ELAPOR2: variants seen among roughly 807,000 people sequenced by gnomAD.
ELAPOR2 encodes the protein endosome/lysosome-associated apoptosis and autophagy regulator family member 2.
A neutral mutation model predicts 120.7 loss-of-function variants in ELAPOR2; 89 were observed. That is an observed-to-expected ratio of 0.74 (90% confidence interval 0.62 to 0.88). The LOEUF (loss-of-function observed/expected upper bound fraction) is 0.88. Ranked by LOEUF, ELAPOR2 falls within the 40% of genes least tolerant of loss-of-function variation. The pLI, the probability that ELAPOR2 is intolerant of heterozygous loss-of-function variation, is 0.00. For missense variants in ELAPOR2, 1,134 were observed against 1,251.6 expected, an observed-to-expected ratio of 0.91 and a Z score of 1.42; for synonymous variants, 444 against 444.9, an observed-to-expected ratio of 1.00 and a Z score of 0.03.
intron 3 of ELAPOR2, among the ~76,000 whole-genome samples, chr7:86,947,147 G>C (rs1791044007): frequency 1.3e-5 from 2 of 152,072 alleles, no homozygotes; most frequent in Admixed American, 1.3e-4. Flanking sequence ...CCATATGAAA[G>C]GAAATGTTAC....
intron 1 of ELAPOR2, among the ~76,000 whole-genome samples, chr7:86,976,564 CCA>C (rs1395912048): frequency 6.6e-6 from 1 of 152,076 alleles, no homozygotes; most frequent in Non-Finnish European, 1.5e-5. Flanking sequence ...CCTGCCCCCT[CCA>C]CACACACAAA....
intron 1 of ELAPOR2, among the ~76,000 whole-genome samples, chr7:87,032,139 T>C (rs1584019624): frequency 6.6e-6 from 1 of 152,302 alleles, no homozygotes. Flanking sequence ...ATGTCAAAAC[T>C]GATCAATTTA....
At chr7:87,018,314 C>T (rs1583998818) in intron 1 of ELAPOR2, among the ~76,000 whole-genome samples, 1 of 152,146 alleles carries the variant, frequency 6.6e-6, no homozygotes, top group Non-Finnish European at 1.5e-5. Flanking sequence ...GCTGTGATTA[C>T]AGGCGCGAGC....
intron 1 of ELAPOR2, among the ~76,000 whole-genome samples, chr7:86,971,689 G>A (rs890776624): frequency 6.6e-6 from 1 of 152,138 alleles, no homozygotes; most frequent in African/African-American, 2.4e-5. Context: ...AGTGAAAACA[G>A]CAATAGATGC....
In ELAPOR2 at chr7:86,914,773, C is replaced by T. The variant is rs771198849; in HGVS notation, c.1681G>A (p.Ala561Thr). The change falls in exon 13 of 22, where the codon GCA (alanine) becomes ACA (threonine). Residue 561 changes from alanine (A) to threonine (T), a missense_variant. By Grantham distance (58) the Ala-to-Thr change is moderately conservative. Transcript: ENST00000450689. ...AATGCCCATGTAAATGTAAAAGTTG[C>T]ATTCTTGAAGATGATATGGGTGTAA... ...QAYTHIIFKN[A>T]TFTFTWAFQR... The T allele has an allele frequency of 3.1e-6, 5 of 1,612,236 alleles. No individual in the cohort carries two copies. In the African/African-American group the frequency reaches 6.7e-5, roughly 22 times the overall value.
intron 1 of ELAPOR2, among the ~76,000 whole-genome samples, chr7:87,009,352 A>G (rs1429968360): frequency 6.6e-6 from 1 of 152,240 alleles, no homozygotes; most frequent in African/African-American, 2.4e-5. Context: ...ATGAACCACA[A>G]AGGTGTTTTA....
At chr7:86,993,572 A>G (rs1793025028) in intron 1 of ELAPOR2, among the ~76,000 whole-genome samples, 1 of 152,234 alleles carries the variant, frequency 6.6e-6, no homozygotes, top group Non-Finnish European at 1.5e-5. Context: ...TTACCTACTG[A>G]TGCTGATAAA....
intron 1 of ELAPOR2, among the ~76,000 whole-genome samples, chr7:87,047,026 C>G (rs561899056): frequency 6.6e-6 from 1 of 152,220 alleles, no homozygotes; most frequent in Admixed American, 6.5e-5. Flanking sequence ...AATCCAGAAA[C>G]AAATCCACAC....
chr7:87,003,139 A>G (rs369871896), intron 1 of ELAPOR2, among the ~76,000 whole-genome samples: 122 of 152,260 alleles, frequency 8.0e-4, no homozygotes, highest in African/African-American at 2.8e-3. Context: ...CACAAAGAGC[A>G]TTTCTCTGAT....
intron 12 of ELAPOR2, among the ~76,000 whole-genome samples, chr7:86,917,133 A>T (rs1393054371): frequency 6.6e-6 from 1 of 151,620 alleles, no homozygotes; most frequent in African/African-American, 2.4e-5. Flanking sequence ...TTTAAGGATA[A>T]TTTTAGTTGG....
At chr7:86,910,441 G>C in intron 15 of ELAPOR2, among the ~76,000 whole-genome samples, 1 of 152,014 alleles carries the variant, frequency 6.6e-6, no homozygotes, top group South Asian at 2.1e-4. Context: ...GTAGCAGAAA[G>C]GTAATGTGAA....
At chr7:87,002,588 G>A (rs1450161344) in intron 1 of ELAPOR2, among the ~76,000 whole-genome samples, 1 of 152,050 alleles carries the variant, frequency 6.6e-6, no homozygotes, top group Non-Finnish European at 1.5e-5. Context: ...GAATTTCTGT[G>A]ACTCTTCTAG....
chr7:86,883,490 G>T (rs190995254), intron 21 of ELAPOR2, among the ~76,000 whole-genome samples: 5 of 152,270 alleles, frequency 3.3e-5, no homozygotes, highest in Non-Finnish European at 7.4e-5. Context: ...ACTGGAAATA[G>T]CACAGGTATC....
intron 15 of ELAPOR2, chr7:86,911,636 T>C (rs1789315584): frequency 4.4e-6 from 2 of 457,010 alleles, no homozygotes; most frequent in South Asian, 1.5e-5. Flanking sequence ...TCAACTGATA[T>C]TTGGCCCTGC....
At chr7:87,011,192 C>T (rs539962471) in intron 1 of ELAPOR2, among the ~76,000 whole-genome samples, 4 of 131,598 alleles carry the variant, frequency 3.0e-5, no homozygotes, top group East Asian at 2.3e-4. Context: ...CGCTTGAACA[C>T]GGGAAGTGGA....
At chr7:86,995,981 G>T (rs1409631588) in intron 1 of ELAPOR2, among the ~76,000 whole-genome samples, 1 of 152,180 alleles carries the variant, frequency 6.6e-6, no homozygotes, top group Admixed American at 6.5e-5. Flanking sequence ...CAATGATAGT[G>T]CAGGGAAGCC....
At chr7:86,961,870 G>A (rs1017639862) in intron 2 of ELAPOR2, among the ~76,000 whole-genome samples, 3 of 152,202 alleles carry the variant, frequency 2.0e-5, no homozygotes, top group South Asian at 2.1e-4. Flanking sequence ...TGTTCCCTGT[G>A]GCTGAGCCTG....
intron 17 of ELAPOR2, 81 bp from the exon 18 acceptor site, chr7:86,907,852 A>C: frequency 1.5e-6 from 1 of 686,052 alleles, no homozygotes; most frequent in Non-Finnish European, 2.3e-6. Context: ...AATTGCTCTC[A>C]GACTTCATGA....
At chr7:86,983,339 C>A (rs988450264) in intron 1 of ELAPOR2, among the ~76,000 whole-genome samples, 4 of 152,028 alleles carry the variant, frequency 2.6e-5, no homozygotes, top group Admixed American at 6.6e-5. Flanking sequence ...ATAGAGAACA[C>A]CAGAAAGATA....
Sources: gnomAD v4.1 joint callset for allele counts (sites outside exome capture counted in the v4.1 genomes callset) on GRCh38, gnomAD v4.1.1 for gene constraint, MANE v1.5 for transcripts, NCBI Gene and HGNC (gene_info 2026-07-23, HGNC 2026-07-21) for gene names.